The following PAMR1 variants were observed in gnomAD, a reference collection of about 807,000 sequenced individuals.
PAMR1 encodes inactive serine protease PAMR1.
Under a neutral mutation model 81.8 loss-of-function variants are expected in PAMR1, and 88 were observed. That is an observed-to-expected ratio of 1.08 (90% confidence interval 0.91 to 1.28). The LOEUF (loss-of-function observed/expected upper bound fraction) is 1.28, where lower values mean the gene tolerates loss of function less well. PAMR1 is among the 50% of genes most tolerant of loss of function. The probability of loss-of-function intolerance (pLI) is 0.00; values close to 1 mark genes in which losing one functional copy is unlikely to be tolerated. For missense variants in PAMR1, 935 were observed against 919.7 expected (o/e 1.02, Z -0.21); for synonymous variants, 336 against 345.3 (o/e 0.97, Z 0.30).
intron 6 of PAMR1, among the ~76,000 whole-genome samples, chr11:35,444,914 T>C (rs1171960690): frequency 6.6e-6 from 1 of 152,244 alleles, no homozygotes; most frequent in African/African-American, 2.4e-5. Flanking sequence ...TCATTGAATC[T>C]ATAAATTACT....
rs910179142 is a variant in PAMR1 at position 35,441,630 on chromosome 11, CCT to C, written c.882_883del (p.Gly296ProfsTer10). 3 of 1,613,846 alleles carry C rather than the reference CCT, an allele frequency of 1.9e-6. No homozygotes were observed. Among genetic ancestry groups the C allele is most frequent in the African/African-American group, 2.7e-5 (2 of 74,896 alleles). Reference sequence around the variant, plus strand: ...GCGTCCGTTGATAAGCCCAGGGCCCCCTGTTATTTTCTGGTACCCATTGACTG... The same window carrying C: ...GCGTCCGTTGATAAGCCCAGGGCCCCGTTATTTTCTGGTACCCATTGACTG... On this transcript the variant is annotated frameshift_variant, in exon 7 of 11. Coordinates refer to ENST00000619888, the MANE Select transcript of PAMR1 (RefSeq NM_001001991.3). LOFTEE classifies it high-confidence loss of function.
rs368301034 is a variant in PAMR1, at chr11:35,520,639, C to A, written c.73+4874G>T. Among the ~76,000 whole-genome samples the A allele has an allele frequency of 2.0e-5, 3 of 152,212 alleles. No individual in the cohort carries two copies. In the East Asian group the frequency reaches 5.8e-4, roughly 29 times the overall value. ...CCTTTAAAATAAAAGAGGAGGGAGGCTGGGCTCTTGTGACTTTCAAATATC... is the reference window on the plus strand; with the variant it reads ...CCTTTAAAATAAAAGAGGAGGGAGGATGGGCTCTTGTGACTTTCAAATATC... On this transcript the variant is annotated intron_variant, in intron 1 of 10. Transcript: ENST00000619888.
intron 3 of PAMR1, among the ~76,000 whole-genome samples, chr11:35,483,688 T>C (rs558516128): frequency 5.7e-4 from 87 of 152,302 alleles, no homozygotes; most frequent in Admixed American, 1.2e-3. Flanking sequence ...ATATTATGGT[T>C]TTAATGAAAA....
chr11:35,439,526 C>A, intron 8 of PAMR1, 101 bp downstream of exon 8: 2 of 971,056 alleles, frequency 2.1e-6, no homozygotes, highest in South Asian at 2.6e-5. Flanking sequence ...CCCTAAGAAA[C>A]CTCAAACTGA....
chr11:35,480,081 C>T (rs149966617), intron 3 of PAMR1, among the ~76,000 whole-genome samples: 64 of 152,274 alleles, frequency 4.2e-4, no homozygotes, highest in African/African-American at 1.4e-3. Flanking sequence ...CGCAGTTCCA[C>T]GAGAGCAGGA....
intron 6 of PAMR1, among the ~76,000 whole-genome samples, chr11:35,448,816 G>A (rs151063652): frequency 6.6e-6 from 1 of 152,202 alleles, no homozygotes; most frequent in Non-Finnish European, 1.5e-5. Context: ...ACCTTTGGAT[G>A]AGATTTTTGT....
intron 5 of PAMR1, 40 bp downstream of exon 5, chr11:35,470,561 G>A (rs1160592043): frequency 6.9e-7 from 1 of 1,450,496 alleles, no homozygotes; most frequent in Non-Finnish European, 9.7e-7. Flanking sequence ...TTTATCTGGA[G>A]CAAGCCATAA....
In PAMR1 at chr11:35,435,352, T is replaced by C. The variant is rs369302282; in HGVS notation, c.1334-548A>G. 1.4e-4 allele frequency among the ~76,000 whole-genome samples: 21 copies of C among 152,338 alleles called. 1 individual carries two copies. Among genetic ancestry groups the C allele is most frequent in the Admixed American group, 4.6e-4 (7 of 15,310 alleles). On this transcript the variant is annotated intron_variant, in intron 9 of 10. Transcript: ENST00000619888. Reference sequence around the variant, plus strand: ...ATAACCTTATGATGTAATTAATACCTCATTACATTTTTTATTTTTATTTTT... The same window carrying C: ...ATAACCTTATGATGTAATTAATACCCCATTACATTTTTTATTTTTATTTTT...
chr11:35,475,732 A>C (rs2135383799), intron 3 of PAMR1, among the ~76,000 whole-genome samples: 1 of 152,350 alleles, frequency 6.6e-6, no homozygotes, highest in South Asian at 2.1e-4. Flanking sequence ...TTTGAAAATA[A>C]GGTTTTATTG....
intron 6 of PAMR1, among the ~76,000 whole-genome samples, chr11:35,443,324 A>T (rs1376595527): frequency 6.6e-6 from 1 of 152,018 alleles, no homozygotes; most frequent in African/African-American, 2.4e-5. Flanking sequence ...ATTAAGCCCC[A>T]CATGCATTAG....
chr11:35,512,484 G>A (rs1329029033), intron 1 of PAMR1, among the ~76,000 whole-genome samples: 1 of 152,208 alleles, frequency 6.6e-6, no homozygotes, highest in South Asian at 2.1e-4. Context: ...ATTGGTTCCT[G>A]AGAGTTCATG....
chr11:35,432,870 G>A lies in PAMR1; in HGVS notation c.1649C>T (p.Pro550Leu), dbSNP rs1327165474. Reference protein sequence around the residue: ...SLQISAIILHPNYDPILLDAD... With the variant: ...SLQISAIILHLNYDPILLDAD... ...ATCAAGCAGGATGGGGTCATAGTTGGGATGCAGAATGATAGCAGAAATCTA... is the reference window on the plus strand; with the variant it reads ...ATCAAGCAGGATGGGGTCATAGTTGAGATGCAGAATGATAGCAGAAATCTA... Residue 550 changes from proline (P) to leucine (L), a missense_variant, in exon 11 of 11, where the codon CCC becomes CTC. Transcript: ENST00000619888. 1 of 1,586,074 alleles carries A rather than the reference G, an allele frequency of 6.3e-7. No homozygotes were observed. Among genetic ancestry groups the A allele is most frequent in the Admixed American group, 1.7e-5 (1 of 59,096 alleles).
rs180836974 is a variant in PAMR1 at position 35,466,544 on chromosome 11, G to A, written c.820+1457C>T. Among the ~76,000 whole-genome samples, 902 of 152,046 alleles carry A rather than the reference G, an allele frequency of 5.9e-3. 3 individuals carry two copies. Among genetic ancestry groups the A allele is most frequent in the Non-Finnish European group, 0.011 (725 of 67,970 alleles). On this transcript the variant is annotated intron_variant, in intron 6 of 10. Coordinates refer to ENST00000619888, the MANE Select transcript of PAMR1 (RefSeq NM_001001991.3). ...AGATCAAGACCATCCTGGCTAACAC[G>A]GTGCAAACCCGTCTCTGTTAAAAAT...
rs35773880 is a variant in PAMR1, at chr11:35,447,202, C to CTT, written c.821-5511_821-5510dup. On this transcript the variant is annotated intron_variant, in intron 6 of 10. Transcript: ENST00000619888. ...TTGCTTGGTAATTTTTCCTCCATCC[C>CTT]TTTTTTTTTTTTTTTTTTGAGATGG... Among the ~76,000 whole-genome samples the CTT allele has an allele frequency of 3.8e-3, 474 of 123,284 alleles. 4 individuals carry two copies. Among genetic ancestry groups the CTT allele is most frequent in the African/African-American group, 5.4e-3 (180 of 33,264 alleles). 80.9% of individuals were successfully genotyped at this position (123,284 alleles called of 152,430 possible).
intron 1 of PAMR1, among the ~76,000 whole-genome samples, chr11:35,516,346 T>C (rs929127451): frequency 1.3e-4 from 20 of 152,236 alleles, no homozygotes; most frequent in African/African-American, 4.6e-4. Flanking sequence ...TTATGCTGTG[T>C]GCATGCACAT....
intron 3 of PAMR1, among the ~76,000 whole-genome samples, chr11:35,485,427 GCT>G (rs1384908954): frequency 6.6e-6 from 1 of 152,098 alleles, no homozygotes; most frequent in East Asian, 1.9e-4. Context: ...AGAAAGAACA[GCT>G]CTTTTTTTAA....
At chr11:35,485,464 T>C (rs1850480616) in intron 3 of PAMR1, among the ~76,000 whole-genome samples, 1 of 152,158 alleles carries the variant, frequency 6.6e-6, no homozygotes. Flanking sequence ...CAGTAGCTCT[T>C]AGTCTGGATA....
At chr11:35,528,602 A>G (rs930389662), upstream of PAMR1, among the ~76,000 whole-genome samples, 1 of 151,550 alleles carries the variant, frequency 6.6e-6, no homozygotes, top group South Asian at 2.1e-4. Flanking sequence ...TCTCTTGTTA[A>G]TCTGTTTTTT....
Position 35,505,320 on chromosome 11 carries a change from A to T in PAMR1, c.74-11048T>A, listed in dbSNP as rs74775352. Among the ~76,000 whole-genome samples the T allele has an allele frequency of 2.6e-5, 4 of 152,204 alleles. No homozygotes were observed. The East Asian group carries it at 7.7e-4, about 29-fold the overall frequency. On this transcript the variant is annotated intron_variant, in intron 1 of 10. Coordinates refer to ENST00000619888, the MANE Select transcript of PAMR1 (RefSeq NM_001001991.3). ...TGAAAATAATGTGTATTCTGTAGCA[A>T]CTGGGTGAAATCTACTGGGTAAATG...
Sources: gnomAD v4.1 joint callset for allele counts (sites outside exome capture counted in the v4.1 genomes callset) on GRCh38, gnomAD v4.1.1 for gene constraint, MANE v1.5 for transcripts, NCBI Gene and HGNC (gene_info 2026-07-23, HGNC 2026-07-21) for gene names.